FAXDC2: variants seen among roughly 807,000 people sequenced by gnomAD.
FAXDC2 encodes the protein fatty acid hydroxylase domain containing 2.
A neutral mutation model predicts 40.9 loss-of-function variants in FAXDC2; 41 were observed. The ratio of observed to expected loss-of-function variants is 1.00; its 90% confidence interval spans 0.78 to 1.30. The LOEUF is 1.30. Ranked by LOEUF, FAXDC2 falls within the 50% of genes most tolerant of loss-of-function variation. The pLI, the probability that FAXDC2 is intolerant of heterozygous loss-of-function variation, is 0.00. For synonymous variants in FAXDC2, 157 were observed against 149.3 expected (o/e 1.05, Z -0.38); for missense variants, 390 against 408.8 (o/e 0.95, Z 0.40).
intron 4 of FAXDC2, among the ~76,000 whole-genome samples, chr5:154,832,925 G>A (rs11740589): frequency 0.35 from 53,331 of 151,988 alleles, 10,285 homozygotes; most frequent in Middle Eastern, 0.45. Flanking sequence ...CCTCCTTCTA[G>A]TTGAAAACAA....
At chr5:154,822,718 A>C in intron 6 of FAXDC2, 141 bp from the exon 7 acceptor site, 2 of 666,694 alleles carry the variant, frequency 3.0e-6, no homozygotes, top group Non-Finnish European at 2.7e-6. Context: ...TTCAAATTTC[A>C]ACCCCAGCCC....
chr5:154,841,790 C>CA (rs1760480472), intron 1 of FAXDC2, among the ~76,000 whole-genome samples: 3 of 150,732 alleles, frequency 2.0e-5, no homozygotes, highest in Admixed American at 2.0e-4. Context: ...GGCTGGAGTG[C>CA]AGTGGCACGA....
chr5:154,827,065 G>A (rs1375243744), intron 5 of FAXDC2, among the ~76,000 whole-genome samples: 3 of 152,150 alleles, frequency 2.0e-5, no homozygotes, highest in African/African-American at 7.2e-5. Context: ...AGCACTTGGG[G>A]AGTCCGAGGC....
At chr5:154,844,936 G>A (rs1400095081) in intron 1 of FAXDC2, among the ~76,000 whole-genome samples, 6 of 152,140 alleles carry the variant, frequency 3.9e-5, no homozygotes, top group Admixed American at 3.9e-4. Context: ...TCTGCTCTAC[G>A]TACACCTTCT....
chr5:154,848,091 G>A (rs1423409954), intron 1 of FAXDC2, among the ~76,000 whole-genome samples: 6 of 152,054 alleles, frequency 3.9e-5, no homozygotes, highest in Admixed American at 2.0e-4. Flanking sequence ...CGCCCGCCTC[G>A]GCCTCCCAAT....
At chr5:154,828,228 C>T (rs1760093301) in intron 5 of FAXDC2, among the ~76,000 whole-genome samples, 2 of 152,010 alleles carry the variant, frequency 1.3e-5, no homozygotes, top group South Asian at 2.1e-4. Context: ...TGGGCTCAAG[C>T]GATTCTTCTG....
At chr5:154,833,749 A>G (rs1376866902) in intron 4 of FAXDC2, among the ~76,000 whole-genome samples, 1 of 146,950 alleles carries the variant, frequency 6.8e-6, no homozygotes, top group Admixed American at 6.8e-5. Context: ...GCTCACTGCA[A>G]CCCGCCTCCC....
chr5:154,844,237 C>G (rs188154660), intron 1 of FAXDC2, among the ~76,000 whole-genome samples: 1 of 151,492 alleles, frequency 6.6e-6, no homozygotes, highest in South Asian at 2.1e-4. Context: ...AAAGACCAGC[C>G]TGGAAAACAT....
chr5:154,828,733 A>G (rs1337295968), intron 5 of FAXDC2, among the ~76,000 whole-genome samples: 2 of 150,906 alleles, frequency 1.3e-5, no homozygotes, highest in Non-Finnish European at 1.5e-5. Flanking sequence ...ACTAGCTGAG[A>G]CTACAGACAC....
intron 1 of FAXDC2, among the ~76,000 whole-genome samples, chr5:154,839,391 C>G (rs1760428930): frequency 6.6e-6 from 1 of 151,614 alleles, no homozygotes; most frequent in Non-Finnish European, 1.5e-5. Flanking sequence ...ACCTGTAGTC[C>G]CAACACTTGG....
intron 2 of FAXDC2, among the ~76,000 whole-genome samples, chr5:154,835,883 C>CTTTTTTTTTTTTTTTGTTTTTTT (rs1760332369): frequency 2.1e-5 from 1 of 47,842 alleles, no homozygotes; most frequent in Non-Finnish European, 4.0e-5. Context: ...GCCCGGCCGA[C>CTTTTTTTTTTTTTTTGTTTTTTT]TTTTTTTTTT....
intron 5 of FAXDC2, among the ~76,000 whole-genome samples, chr5:154,824,905 A>G (rs1022024821): frequency 1.3e-5 from 2 of 151,878 alleles, no homozygotes; most frequent in African/African-American, 2.4e-5. Flanking sequence ...CCTTGGCAAC[A>G]TCACGAAACC....
At chr5:154,845,991 A>T (rs1440601019) in intron 1 of FAXDC2, among the ~76,000 whole-genome samples, 3 of 150,808 alleles carry the variant, frequency 2.0e-5, no homozygotes, top group Non-Finnish European at 4.4e-5. Flanking sequence ...TTTAGTAGAG[A>T]CGGGGTTTCA....
At chr5:154,846,633 C>A (rs1760605690) in intron 1 of FAXDC2, among the ~76,000 whole-genome samples, 1 of 152,068 alleles carries the variant, frequency 6.6e-6, no homozygotes, top group African/African-American at 2.4e-5. Flanking sequence ...GATGTTCCCA[C>A]CTCAGCCTCC....
At chr5:154,830,078 A>T (rs1484119940) in intron 5 of FAXDC2, among the ~76,000 whole-genome samples, 1 of 152,212 alleles carries the variant, frequency 6.6e-6, no homozygotes, top group Admixed American at 6.5e-5. Context: ...TGGGCAGATG[A>T]CTAAAAGATG....
At chr5:154,840,993 A>C (rs1464042117) in intron 1 of FAXDC2, among the ~76,000 whole-genome samples, 1 of 152,184 alleles carries the variant, frequency 6.6e-6, no homozygotes, top group Non-Finnish European at 1.5e-5. Context: ...GTCCCATTAC[A>C]GCAGGAGGGG....
At chr5:154,823,656 G>A in intron 5 of FAXDC2, 64 bp from the exon 6 acceptor site, 1 of 1,330,832 alleles carries the variant, frequency 7.5e-7, no homozygotes, top group Non-Finnish European at 1.1e-6. Context: ...ACCGTGACCT[G>A]CTTACAGGAG....
chr5:154,827,977 G>C (rs1164922746), intron 5 of FAXDC2, among the ~76,000 whole-genome samples: 1 of 151,018 alleles, frequency 6.6e-6, no homozygotes, highest in Non-Finnish European at 1.5e-5. Context: ...AGCTTCCCAA[G>C]TAGCTGGGAC....
chr5:154,839,325 CAAAAA>C (rs746822715), intron 1 of FAXDC2, among the ~76,000 whole-genome samples: 2 of 92,778 alleles, frequency 2.2e-5, no homozygotes, highest in Admixed American at 1.2e-4. Context: ...GACTCCATCT[CAAAAA>C]AAAAAAAAAA....
Sources: allele counts gnomAD v4.1 joint callset (sites outside exome capture counted in the v4.1 genomes callset), GRCh38; gene constraint gnomAD v4.1.1; transcripts MANE v1.5; gene names NCBI Gene and HGNC (gene_info 2026-07-23, HGNC 2026-07-21).